Variants in CAST observed in about 807,000 individuals in gnomAD.
CAST encodes MIR583 host.
CAST carries 76 observed loss-of-function variants against 119.6 expected under a neutral mutation model. The observed-to-expected ratio is 0.64, with a 90% confidence interval of 0.53 to 0.77. The LOEUF (loss-of-function observed/expected upper bound fraction) is 0.77, where lower values mean the gene tolerates loss of function less well. Ranked by LOEUF, CAST falls within the 30% of genes least tolerant of loss-of-function variation. The pLI, the probability that CAST is intolerant of heterozygous loss-of-function variation, is 0.00. For missense variants in CAST, 953 were observed against 946.5 expected (o/e 1.01, Z -0.09); for synonymous variants, 319 against 331.6 (o/e 0.96, Z 0.41).
the CAST span, among the ~76,000 whole-genome samples, chr5:96,306,563 C>T: frequency 6.6e-6 from 1 of 152,202 alleles, no homozygotes; most frequent in South Asian, 2.1e-4. Context: ...TTAGATCTTT[C>T]CTGCTTTCCC....
chr5:96,037,535 A>C, the CAST span, among the ~76,000 whole-genome samples: 1 of 152,182 alleles, frequency 6.6e-6, no homozygotes, highest in Non-Finnish European at 1.5e-5. Context: ...ACATTTTGCC[A>C]TGTATGTGTG....
intron 1 of CAST, among the ~76,000 whole-genome samples, chr5:96,617,617 G>A (rs4869299): frequency 0.79 from 119,859 of 150,842 alleles, 48,005 homozygotes; most frequent in East Asian, 0.99. Context: ...GTGAAACCCC[G>A]TCTCTACTAA....
upstream of CAST, chr5:96,525,308 C>T (rs11951673): frequency 0.4 from 60,275 of 152,090 alleles, 12,179 homozygotes; most frequent in East Asian, 0.56. Flanking sequence ...GATTGCTCTC[C>T]ATTGGCTCTC....
chr5:96,426,794 A>G, the CAST span, among the ~76,000 whole-genome samples: 3 of 152,212 alleles, frequency 2.0e-5, no homozygotes, highest in African/African-American at 7.2e-5. Flanking sequence ...GAGAGTACTC[A>G]TGAATCAGCT....
At chr5:96,643,182 C>A (rs1210634145) in intron 1 of CAST, among the ~76,000 whole-genome samples, 1 of 152,214 alleles carries the variant, frequency 6.6e-6, no homozygotes, top group African/African-American at 2.4e-5. Context: ...GAGAGTAGGG[C>A]ACTGAGATTA....
intron 1 of CAST, among the ~76,000 whole-genome samples, chr5:96,611,365 A>T (rs547630065): frequency 1.3e-5 from 2 of 152,108 alleles, no homozygotes; most frequent in Admixed American, 1.3e-4. Context: ...GATAAAGGAC[A>T]CCCTGTTCGA....
the CAST span, among the ~76,000 whole-genome samples, chr5:96,051,576 C>T: frequency 1.3e-5 from 2 of 152,110 alleles, no homozygotes; most frequent in Non-Finnish European, 2.9e-5. Context: ...TTGTAAAGTT[C>T]TCCCCTAGGG....
chr5:96,510,948 T>C, the CAST span, among the ~76,000 whole-genome samples: 1 of 152,158 alleles, frequency 6.6e-6, no homozygotes, highest in Non-Finnish European at 1.5e-5. Flanking sequence ...ACATTCATCA[T>C]TTTTTACAAG....
At chr5:96,019,033 TG>T in the CAST span, among the ~76,000 whole-genome samples, 1 of 152,296 alleles carries the variant, frequency 6.6e-6, no homozygotes, top group East Asian at 1.9e-4. Flanking sequence ...GAGTTCAATC[TG>T]GAAGATATTG....
At chr5:96,235,972 A>C in the CAST span, among the ~76,000 whole-genome samples, 1 of 152,206 alleles carries the variant, frequency 6.6e-6, no homozygotes, top group East Asian at 1.9e-4. Flanking sequence ...GGGAATGAGA[A>C]AATGCTGTAA....
chr5:96,419,752 C>T, the CAST span, among the ~76,000 whole-genome samples: 1 of 151,840 alleles, frequency 6.6e-6, no homozygotes, highest in Non-Finnish European at 1.5e-5. Flanking sequence ...TTGCAGGTAA[C>T]TCCCTGAGTC....
At chr5:96,009,190 A>G in the CAST span, among the ~76,000 whole-genome samples, 1 of 152,100 alleles carries the variant, frequency 6.6e-6, no homozygotes, top group Non-Finnish European at 1.5e-5. Context: ...TATGTACCAC[A>G]TTTTCTCTAT....
the CAST span, among the ~76,000 whole-genome samples, chr5:96,104,199 A>T: frequency 1.3e-5 from 2 of 152,178 alleles, no homozygotes; most frequent in East Asian, 1.9e-4. Flanking sequence ...GTTCACTCTG[A>T]TGGTAGTTTC....
the CAST span, among the ~76,000 whole-genome samples, chr5:96,125,518 C>T: frequency 6.6e-6 from 1 of 152,120 alleles, no homozygotes; most frequent in Non-Finnish European, 1.5e-5. Context: ...GTTTGCCTGC[C>T]TGACTTTGAA....
At chr5:96,174,558 C>T in the CAST span, among the ~76,000 whole-genome samples, 1 of 152,194 alleles carries the variant, frequency 6.6e-6, no homozygotes, top group African/African-American at 2.4e-5. Context: ...ACACAGATTA[C>T]AATTTTAGTT....
chr5:96,118,817 C>CT, the CAST span, among the ~76,000 whole-genome samples: 1,479 of 144,382 alleles, frequency 0.01, 7 homozygotes, highest in African/African-American at 0.02. Flanking sequence ...TTTCAGCATA[C>CT]TTTTTTTTTT....
At chr5:96,245,924 C>A in the CAST span, among the ~76,000 whole-genome samples, 3 of 152,064 alleles carry the variant, frequency 2.0e-5, no homozygotes, top group East Asian at 5.8e-4. Flanking sequence ...GTGTTCACAG[C>A]GCAGGACCCG....
chr5:96,425,004 AAAGAAAAG>A, the CAST span, among the ~76,000 whole-genome samples: 14 of 127,816 alleles, frequency 1.1e-4, no homozygotes, highest in Non-Finnish European at 1.7e-4. Flanking sequence ...AAAGAGAAAG[AAAGAAAAG>A]AAAGAAAGAA....
At chr5:96,244,092 C>T in the CAST span, among the ~76,000 whole-genome samples, 2 of 152,208 alleles carry the variant, frequency 1.3e-5, no homozygotes, top group East Asian at 1.9e-4. Context: ...TGCCCTAAGG[C>T]ACTCCCTTAG....
Sources: allele counts gnomAD v4.1 joint callset (sites outside exome capture counted in the v4.1 genomes callset), GRCh38; gene constraint gnomAD v4.1.1; transcripts MANE v1.5; gene names NCBI Gene and HGNC (gene_info 2026-07-23, HGNC 2026-07-21).